Variants in AKT3 observed in about 807,000 individuals in gnomAD.
AKT3 encodes the protein RAC-gamma serine/threonine-protein kinase.
Under a neutral mutation model 65.3 loss-of-function variants are expected in AKT3, and 15 were observed. That is an observed-to-expected ratio of 0.23 (90% CI 0.15 to 0.35). The LOEUF (loss-of-function observed/expected upper bound fraction) is 0.35. Among genes scored for constraint, AKT3 ranks in the 10% least tolerant of loss-of-function variants. The pLI, the probability that AKT3 is intolerant of heterozygous loss-of-function variation, is 1.00. For missense variants in AKT3, 243 were observed against 576.5 expected, an observed-to-expected ratio of 0.42 and a Z score of 5.92; for synonymous variants, 206 against 183.8, an observed-to-expected ratio of 1.12 and a Z score of -0.98.
chr1:243,502,471 C>T lies in AKT3; in HGVS notation c.*2778G>A, dbSNP rs949732963. ...GGCTGCATTATGACAAGAAGTCAAG[C>T]TTCATGACAGTTAGTATGGGCTGGA... On this transcript the variant is annotated 3_prime_UTR_variant, in exon 14 of 14. Transcript: ENST00000673466. The T allele has an allele frequency of 4.3e-6, 1 of 233,148 alleles. No individual in the cohort carries two copies. The highest frequency in any genetic ancestry group is 8.5e-6 in the Non-Finnish European group (1 of 118,034). 14.4% of individuals were successfully genotyped at this position (233,148 alleles called of 1,614,324 possible). A position where few individuals can be genotyped will look rare whatever the true frequency, so the allele number is the denominator to read the frequency against.
intron 1 of AKT3, among the ~76,000 whole-genome samples, chr1:243,849,638 C>G (rs547598118): frequency 1.3e-5 from 2 of 151,768 alleles, no homozygotes; most frequent in African/African-American, 4.8e-5. Flanking sequence ...CTCCCCACGC[C>G]GCGCGGCCCG....
intron 8 of AKT3, among the ~76,000 whole-genome samples, chr1:243,590,102 A>G (rs141847298): frequency 4.8e-4 from 73 of 152,286 alleles, no homozygotes; most frequent in African/African-American, 1.5e-3. Flanking sequence ...GAGGTAAGTA[A>G]AATGGGGAGA....
At chr1:243,797,170 T>A (rs1367942657) in intron 2 of AKT3, among the ~76,000 whole-genome samples, 2 of 151,882 alleles carry the variant, frequency 1.3e-5, no homozygotes, top group Non-Finnish European at 2.9e-5. Context: ...AAATACTTTT[T>A]TAAAAAAAAA....
chr1:243,504,715 G>A lies in AKT3; in HGVS notation c.*534C>T, dbSNP rs1445380345. 1 of 181,868 alleles carries A rather than the reference G, an allele frequency of 5.5e-6. No individual in the cohort carries two copies. The highest frequency in any genetic ancestry group is 1.2e-5 in the Non-Finnish European group (1 of 85,540). The allele number at this position is 181,868 out of a possible 1,614,324, so 11.3% of individuals were successfully genotyped here. On this transcript the variant is annotated 3_prime_UTR_variant, in exon 14 of 14. Coordinates refer to ENST00000673466, the MANE Select transcript of AKT3 (RefSeq NM_005465.7). ...CCTAATCAATTCCAGCCACAGCTTA[G>A]TGATATATGCCTACTTCACGCACGG...
chr1:243,843,620 A>AAT, intron 1 of AKT3: 10 of 963,052 alleles, frequency 1.0e-5, no homozygotes, highest in Non-Finnish European at 9.9e-6. Flanking sequence ...AATTGCCCTA[A>AAT]ATCCCTGTAA....
intron 2 of AKT3, among the ~76,000 whole-genome samples, chr1:243,841,019 T>A (rs1427107739): frequency 6.6e-6 from 1 of 152,158 alleles, no homozygotes. Context: ...AGGGAGATTT[T>A]TATTTTTCAT....
intron 2 of AKT3, among the ~76,000 whole-genome samples, chr1:243,816,636 A>G (rs1209844221): frequency 6.6e-6 from 1 of 152,244 alleles, no homozygotes; most frequent in Non-Finnish European, 1.5e-5. Flanking sequence ...AGGCAAAGTA[A>G]AACAACACAA....
chr1:243,608,932 T>C (rs1677655568), intron 8 of AKT3, among the ~76,000 whole-genome samples: 1 of 151,722 alleles, frequency 6.6e-6, no homozygotes, highest in Non-Finnish European at 1.5e-5. Flanking sequence ...TTTTGTATTT[T>C]TAGTAGAGAT....
intron 2 of AKT3, among the ~76,000 whole-genome samples, chr1:243,784,136 G>A (rs2148317601): frequency 6.6e-6 from 1 of 152,280 alleles, no homozygotes; most frequent in Non-Finnish European, 1.5e-5. Flanking sequence ...AGGGAGAAAA[G>A]ATACTTTAGA....
At chr1:243,682,491 A>G (rs528079548) in intron 3 of AKT3, among the ~76,000 whole-genome samples, 1 of 152,318 alleles carries the variant, frequency 6.6e-6, no homozygotes. Context: ...TTACTACAGA[A>G]ACTACAAATA....
intron 12 of AKT3, among the ~76,000 whole-genome samples, chr1:243,518,784 GCA>G (rs925443411): frequency 1.6e-4 from 24 of 152,134 alleles, no homozygotes; most frequent in Non-Finnish European, 1.6e-4. Context: ...AAAAAACCAT[GCA>G]CAGATTTCAA....
chr1:243,824,227 C>T (rs112212692), intron 2 of AKT3, among the ~76,000 whole-genome samples: 4,869 of 152,098 alleles, frequency 0.032, 153 homozygotes, highest in African/African-American at 0.072. Flanking sequence ...TGAAACTGGG[C>T]CCCTTCCTTA....
intron 10 of AKT3, among the ~76,000 whole-genome samples, chr1:243,557,069 T>A (rs1673458138): frequency 6.6e-6 from 1 of 152,110 alleles, no homozygotes; most frequent in Admixed American, 6.6e-5. Flanking sequence ...ACAGTTAACA[T>A]CGTACTTTCA....
chr1:243,616,173 C>A (rs1228801489), intron 6 of AKT3, among the ~76,000 whole-genome samples: 1 of 151,604 alleles, frequency 6.6e-6, no homozygotes, highest in African/African-American at 2.4e-5. Flanking sequence ...ATATGCTGTA[C>A]CCAATGTGTA....
intron 3 of AKT3, among the ~76,000 whole-genome samples, chr1:243,676,495 C>T (rs1420829596): frequency 1.3e-5 from 2 of 152,154 alleles, no homozygotes; most frequent in African/African-American, 4.8e-5. Flanking sequence ...CTTCTTCAGT[C>T]ACGGCCCTTC....
chr1:243,699,514 A>ATATATATATATATATATAT (rs1685304874), intron 2 of AKT3, among the ~76,000 whole-genome samples: 1 of 96,718 alleles, frequency 1.0e-5, no homozygotes, highest in African/African-American at 5.5e-5. Context: ...TATATATATA[A>ATATATATATATATATATAT]TCTTCATGGG....
chr1:243,848,321 T>C (rs778794410), intron 1 of AKT3, among the ~76,000 whole-genome samples: 2 of 152,200 alleles, frequency 1.3e-5, no homozygotes, highest in Non-Finnish European at 2.9e-5. Context: ...CGGATATATA[T>C]CTTGCATATA....
chr1:243,795,950 T>C (rs1431726349), intron 2 of AKT3, among the ~76,000 whole-genome samples: 3 of 152,194 alleles, frequency 2.0e-5, no homozygotes, highest in Middle Eastern at 3.2e-3. Flanking sequence ...CACCTGTCAG[T>C]GTACACAGAT....
rs59711065 is a variant in AKT3, at chr1:243,583,195, TAC to T, written c.697-10149_697-10148del. Among the ~76,000 whole-genome samples, 190 of 88,226 alleles carry T rather than the reference TAC, an allele frequency of 2.2e-3. 3 individuals carry two copies. Among genetic ancestry groups the T allele is most frequent in the East Asian group, 5.8e-3 (17 of 2,934 alleles). The allele number at this position is 88,226 out of a possible 152,430, so 57.9% of individuals were successfully genotyped here. On this transcript the variant is annotated intron_variant, in intron 8 of 13. Coordinates refer to ENST00000673466, the MANE Select transcript of AKT3 (RefSeq NM_005465.7). The stretch of plus-strand genomic sequence containing the variant: ...GTATATATATATATATATATATATA[TAC>T]ACACACACACACACACATATATCTT...
Sources: gnomAD v4.1 joint callset for allele counts (sites outside exome capture counted in the v4.1 genomes callset) on GRCh38, gnomAD v4.1.1 for gene constraint, MANE v1.5 for transcripts, NCBI Gene and HGNC (gene_info 2026-07-23, HGNC 2026-07-21) for gene names.